The following CDH7 variants were observed in gnomAD, a reference collection of about 807,000 sequenced individuals.
CDH7 encodes the protein cadherin-7.
In CDH7, 25 loss-of-function variants were observed where a neutral mutation model predicts 71.8. The ratio of observed to expected loss-of-function variants is 0.35; its 90% CI spans 0.25 to 0.49. The LOEUF is 0.49. Ranked by LOEUF, CDH7 falls within the 20% of genes least tolerant of loss-of-function variation. The pLI is 0.99. For missense variants in CDH7, 862 were observed against 974.6 expected (o/e 0.88, Z 1.54); for synonymous variants, 381 against 363.8 (o/e 1.05, Z -0.54).
At chr18:65,810,088 A>G (rs1459103991) in intron 3 of CDH7, 90 bp downstream of exon 3, 4 of 1,150,046 alleles carry the variant, frequency 3.5e-6, no homozygotes, top group Non-Finnish European at 5.0e-6. Flanking sequence ...ACTGAAAAAA[A>G]AAAAAACCTT....
chr18:65,826,283 T>C (rs1912128522), intron 6 of CDH7, among the ~76,000 whole-genome samples: 1 of 151,392 alleles, frequency 6.6e-6, no homozygotes, highest in African/African-American at 2.4e-5. Flanking sequence ...TTATTATTCT[T>C]ATAGGTATCA....
Position 65,844,011 on chromosome 18 carries a change from A to G in CDH7, c.1181A>G (p.Asn394Ser), listed in dbSNP as rs559383536. The change falls in exon 7 of 12, where the codon AAT (asparagine) becomes AGT (serine). Residue 394 changes from asparagine (N) to serine (S), a missense_variant. Transcript: ENST00000397968. ...MEVSEATQVG[N>S]IIGTVAAHDP... ...GTGTCGGAAGCTACCCAGGTTGGGA[A>G]TATCATTGGCACTGTAGCAGCTCAT... The G allele has an allele frequency of 5.6e-6, 9 of 1,613,108 alleles. No homozygotes were observed. Among genetic ancestry groups the G allele is most frequent in the Admixed American group, 1.7e-5 (1 of 59,926 alleles).
In CDH7 at chr18:65,881,605, TAAAAA is replaced by T. The variant is rs369236275; in HGVS notation, c.*717_*721del. 6.7e-6 allele frequency: 1 copy of T among 149,154 alleles called. No homozygotes were observed. The allele number at this position is 149,154 out of a possible 1,614,324, so 9.2% of individuals were successfully genotyped here. ...TTTTGAGATGCTTGTGTAGGTATGATAAAAAAAAAAGTTGCTGTCTGTTCATTGAT... is the reference window on the plus strand; with the variant it reads ...TTTTGAGATGCTTGTGTAGGTATGATAAAAAGTTGCTGTCTGTTCATTGAT... On this transcript the variant is annotated 3_prime_UTR_variant, in exon 12 of 12. Coordinates refer to ENST00000397968, the MANE Select transcript of CDH7 (RefSeq NM_004361.5).
At chr18:65,758,609 A>G (rs1916101601) in intron 1 of CDH7, among the ~76,000 whole-genome samples, 1 of 152,242 alleles carries the variant, frequency 6.6e-6, no homozygotes, top group Admixed American at 6.5e-5. Context: ...ACACAATGCC[A>G]GTTAAATATC....
chr18:65,849,401 T>TTTCTC (rs1397494372), intron 7 of CDH7, among the ~76,000 whole-genome samples: 2 of 127,580 alleles, frequency 1.6e-5, no homozygotes, highest in Non-Finnish European at 3.2e-5. Flanking sequence ...TTTCTTTTCT[T>TTTCTC]TTCTTTTCTT....
chr18:65,849,399 CTTTTCTTTTCTTTTCT>C (rs1913062065), intron 7 of CDH7, among the ~76,000 whole-genome samples: 1 of 105,600 alleles, frequency 9.5e-6, no homozygotes, highest in Non-Finnish European at 1.9e-5. Context: ...CTTTTCTTTT[CTTTTCTTTTCTTTTCT>C]TTTCTTTTCT....
chr18:65,761,192 A>G (rs1303266456), intron 1 of CDH7, among the ~76,000 whole-genome samples: 1 of 152,190 alleles, frequency 6.6e-6, no homozygotes, highest in African/African-American at 2.4e-5. Flanking sequence ...GCCCTCTGGA[A>G]TATCAAAACT....
intron 2 of CDH7, chr18:65,803,785 T>C (rs994565107): frequency 4.6e-5 from 7 of 151,680 alleles, no homozygotes; most frequent in African/African-American, 1.7e-4. Flanking sequence ...AATTACCCTG[T>C]ATGGGTTCTA....
chr18:65,855,031 T>C (rs1913303042), intron 7 of CDH7, among the ~76,000 whole-genome samples: 1 of 151,944 alleles, frequency 6.6e-6, no homozygotes, highest in South Asian at 2.1e-4. Context: ...TAAATGCAGC[T>C]ATGAAACCTG....
chr18:65,871,619 G>T (rs4124017), intron 11 of CDH7, among the ~76,000 whole-genome samples: 1 of 151,900 alleles, frequency 6.6e-6, no homozygotes, highest in East Asian at 1.9e-4. Flanking sequence ...GGAGTTTCTG[G>T]TTTGGGTATT....
In CDH7 at chr18:65,880,784, T is replaced by G. The variant is rs1914205210; in HGVS notation, c.2248T>G (p.Ser750Ala). ...SVAESLSSLD[S>A]ISSNSDQNYD... ...TGCTGAATCACTCAGCTCTTTAGAT[T>G]CCATCAGCTCAAACTCTGATCAGAA... The change falls in exon 12 of 12, where the codon TCC becomes GCC. Residue 750 changes from serine to alanine, a missense_variant. Physicochemically the swap from Ser to Ala is moderately conservative, Grantham distance 99 (BLOSUM62 1). Coordinates refer to ENST00000397968, the MANE Select transcript of CDH7 (RefSeq NM_004361.5). 1.6e-5 allele frequency: 26 copies of G among 1,614,122 alleles called. No homozygotes were observed. The highest frequency in any genetic ancestry group is 2.2e-5 in the Non-Finnish European group (26 of 1,180,008).
intron 3 of CDH7, among the ~76,000 whole-genome samples, chr18:65,813,333 A>G (rs972862868): frequency 6.6e-6 from 1 of 152,190 alleles, no homozygotes; most frequent in Admixed American, 6.5e-5. Flanking sequence ...ACTCCATCTG[A>G]AAATATAAAA....
chr18:65,787,021 T>C (rs918583220), intron 2 of CDH7, among the ~76,000 whole-genome samples: 1 of 148,214 alleles, frequency 6.7e-6, no homozygotes, highest in East Asian at 2.0e-4. Flanking sequence ...CAATGAAAAC[T>C]TTTTTTTTTC....
chr18:65,778,618 CAT>C (rs1490249047), intron 2 of CDH7, among the ~76,000 whole-genome samples: 1 of 139,520 alleles, frequency 7.2e-6, no homozygotes, highest in Non-Finnish European at 1.5e-5. Context: ...GTAATTTTAT[CAT>C]ATTAAGAAAA....
chr18:65,851,936 AG>A (rs1682028167), intron 7 of CDH7, among the ~76,000 whole-genome samples: 1 of 152,224 alleles, frequency 6.6e-6, no homozygotes, highest in Admixed American at 6.5e-5. Flanking sequence ...TTCTTAAAAA[AG>A]CATGACTTCT....
intron 6 of CDH7, among the ~76,000 whole-genome samples, chr18:65,832,666 T>C (rs1912391986): frequency 6.6e-6 from 1 of 152,122 alleles, no homozygotes; most frequent in African/African-American, 2.4e-5. Flanking sequence ...TTATAACCAG[T>C]TAAATAGGAT....
At chr18:65,763,789 CT>C (rs1916275327) in intron 2 of CDH7, among the ~76,000 whole-genome samples, 3 of 152,008 alleles carry the variant, frequency 2.0e-5, no homozygotes, top group Admixed American at 2.0e-4. Context: ...TTTCTTCTGT[CT>C]TAATATTTGA....
At chr18:65,877,323 C>G (rs1914100640) in intron 11 of CDH7, among the ~76,000 whole-genome samples, 1 of 151,694 alleles carries the variant, frequency 6.6e-6, no homozygotes, top group South Asian at 2.1e-4. Context: ...TGATTGAAGA[C>G]CTGAGAATCA....
intron 2 of CDH7, among the ~76,000 whole-genome samples, chr18:65,769,983 A>G (rs1349370762): frequency 6.6e-6 from 1 of 152,156 alleles, no homozygotes; most frequent in Non-Finnish European, 1.5e-5. Context: ...CTTGAAAGAG[A>G]TATAAAATAA....
Sources: allele counts gnomAD v4.1 joint callset (sites outside exome capture counted in the v4.1 genomes callset), GRCh38; gene constraint gnomAD v4.1.1; transcripts MANE v1.5; gene names NCBI Gene and HGNC (gene_info 2026-07-23, HGNC 2026-07-21).